HIPK2: variants seen among roughly 807,000 people sequenced by gnomAD.
HIPK2 encodes homeodomain-interacting protein kinase 2.
In HIPK2, 27 loss-of-function variants were observed where a neutral mutation model predicts 113.7. The ratio of observed to expected loss-of-function variants is 0.24; its 90% CI spans 0.17 to 0.33. The LOEUF is 0.33. Ranked by LOEUF, HIPK2 falls within the 10% of genes least tolerant of loss-of-function variation. The pLI is 1.00. For synonymous variants in HIPK2, 631 were observed against 642.2 expected, an observed-to-expected ratio of 0.98 and a Z score of 0.26; for missense variants, 1,257 against 1,588.0, an observed-to-expected ratio of 0.79 and a Z score of 3.54.
chr7:139,648,569 T>C (rs1460515117), intron 2 of HIPK2, among the ~76,000 whole-genome samples: 1 of 152,208 alleles, frequency 6.6e-6, no homozygotes, highest in African/African-American at 2.4e-5. Context: ...ATCAATAGCT[T>C]ACATGGGAGT....
chr7:139,649,227 G>A (rs1801364199), intron 2 of HIPK2, among the ~76,000 whole-genome samples: 1 of 152,034 alleles, frequency 6.6e-6, no homozygotes, highest in African/African-American at 2.4e-5. Context: ...CCCACACCCT[G>A]ACTCGGTGAC....
At chr7:139,620,882 C>T (rs973752033) in intron 6 of HIPK2, among the ~76,000 whole-genome samples, 7 of 152,222 alleles carry the variant, frequency 4.6e-5, no homozygotes, top group East Asian at 1.9e-4. Flanking sequence ...ACTGCTCATT[C>T]TCAACTCTCA....
chr7:139,624,376 C>G (rs2116858704), intron 6 of HIPK2, among the ~76,000 whole-genome samples: 1 of 152,236 alleles, frequency 6.6e-6, no homozygotes, highest in Middle Eastern at 3.4e-3. Context: ...ACTGGCTGGA[C>G]CTTCCTCTCC....
At chr7:139,618,664 C>A (rs1274885006) in intron 7 of HIPK2, among the ~76,000 whole-genome samples, 1 of 152,188 alleles carries the variant, frequency 6.6e-6, no homozygotes, top group Non-Finnish European at 1.5e-5. Flanking sequence ...GGTGGCCCCC[C>A]ACCCCGCGTC....
In HIPK2 at chr7:139,729,734, C is replaced by T. The variant is rs367903768; in HGVS notation, c.20-12719G>A. On this transcript the variant is annotated intron_variant, in intron 1 of 14. Transcript: ENST00000406875. ...ACAAAATCAGCTGTACTTCTGGTTTCAACCCAGAGGAATTCCATTTAAATC... is the reference window on the plus strand; with the variant it reads ...ACAAAATCAGCTGTACTTCTGGTTTTAACCCAGAGGAATTCCATTTAAATC... Among the ~76,000 whole-genome samples the T allele has an allele frequency of 3.9e-4, 60 of 152,310 alleles. 2 individuals are homozygous for T. The South Asian group carries it at 0.012, about 32-fold the overall frequency.
At chr7:139,694,525 G>C (rs1476775062) in intron 2 of HIPK2, among the ~76,000 whole-genome samples, 1 of 152,144 alleles carries the variant, frequency 6.6e-6, no homozygotes, top group Non-Finnish European at 1.5e-5. Flanking sequence ...CTGGTCTCTG[G>C]AACCACGTGG....
chr7:139,587,758 G>A (rs545654158), intron 12 of HIPK2, among the ~76,000 whole-genome samples: 30 of 151,800 alleles, frequency 2.0e-4, no homozygotes, highest in African/African-American at 6.3e-4. Flanking sequence ...TGCACCTATA[G>A]TCCTAGCTGC....
Position 139,596,859 on chromosome 7 carries a change from A to T in HIPK2, c.2575T>A (p.Trp859Arg). 6.2e-7 allele frequency: 1 copy of T among 1,613,820 alleles called. No individual in the cohort carries two copies. Among genetic ancestry groups the T allele is most frequent in the Non-Finnish European group, 8.5e-7 (1 of 1,179,854 alleles). The change falls in exon 12 of 15, where the codon TGG becomes AGG. Residue 859 changes from tryptophan to arginine, a missense_variant. By Grantham distance (101) the Trp-to-Arg change is moderately radical. Coordinates refer to ENST00000406875, the MANE Select transcript of HIPK2 (RefSeq NM_022740.5). ...PACSTSVTCG[W>R]GDVASSTTRE... ...GTGGTGCTGGAGGCCACGTCGCCCC[A>T]CCCACAGGTGACCGAGGTGCTGCAG...
chr7:139,623,533 A>G (rs567536986), intron 6 of HIPK2, among the ~76,000 whole-genome samples: 101 of 151,836 alleles, frequency 6.7e-4, no homozygotes, highest in South Asian at 1.7e-3. Context: ...AAAAAAAAAA[A>G]AAAAAGAAAA....
intron 1 of HIPK2, among the ~76,000 whole-genome samples, chr7:139,728,304 T>C (rs1795650431): frequency 6.6e-6 from 1 of 152,144 alleles, no homozygotes; most frequent in African/African-American, 2.4e-5. Context: ...CATATGAATC[T>C]GCCAGGGTTG....
chr7:139,646,804 A>C (rs905545440), intron 2 of HIPK2, among the ~76,000 whole-genome samples: 7 of 152,088 alleles, frequency 4.6e-5, no homozygotes, highest in African/African-American at 1.7e-4. Context: ...AAAGGAAGGC[A>C]GGAGGAAGGG....
chr7:139,652,586 A>G (rs1296310613), intron 2 of HIPK2, among the ~76,000 whole-genome samples: 1 of 152,246 alleles, frequency 6.6e-6, no homozygotes, highest in Non-Finnish European at 1.5e-5. Context: ...CTCTCATTCA[A>G]TAAACATGTA....
intron 12 of HIPK2, 113 bp from the exon 13 acceptor site, chr7:139,584,177 C>A: frequency 7.0e-7 from 1 of 1,426,154 alleles, no homozygotes; most frequent in Non-Finnish European, 9.4e-7. Context: ...AGGGCAGGAA[C>A]AGGGCTTTTG....
chr7:139,620,486 G>T lies in HIPK2; in HGVS notation c.1697C>A (p.Thr566Asn). The change falls in exon 7 of 15, where the codon ACC becomes AAC. Residue 566 changes from threonine (T) to asparagine (N), a missense_variant. By Grantham distance (65) the Thr-to-Asn change is moderately conservative (BLOSUM62 0). Coordinates refer to ENST00000406875, the MANE Select transcript of HIPK2 (RefSeq NM_022740.5). Reference protein sequence around the residue: ...NMYDTVNQSKTPFITHVAPST... With the variant: ...NMYDTVNQSKNPFITHVAPST... ...GGGGGCCACGTGCGTGATGAAAGGG[G>T]TTTTGCTCTGGTTCACCGTGTCATA... 6.2e-7 allele frequency: 1 copy of T among 1,614,110 alleles called. No individual in the cohort carries two copies. Among genetic ancestry groups the T allele is most frequent in the Non-Finnish European group, 8.5e-7 (1 of 1,180,036 alleles).
chr7:139,652,215 T>C (rs1801488347), intron 2 of HIPK2, among the ~76,000 whole-genome samples: 1 of 152,226 alleles, frequency 6.6e-6, no homozygotes, highest in Non-Finnish European at 1.5e-5. Context: ...AACAGCCTCA[T>C]GTTCTTGAGA....
chr7:139,737,840 A>G (rs1480210767), intron 1 of HIPK2, among the ~76,000 whole-genome samples: 2 of 152,236 alleles, frequency 1.3e-5, no homozygotes, highest in Non-Finnish European at 2.9e-5. Context: ...CTCACAGGAA[A>G]TCTTTTCTGC....
intron 1 of HIPK2, among the ~76,000 whole-genome samples, chr7:139,718,623 CT>C (rs1201181767): frequency 2.0e-5 from 3 of 152,200 alleles, no homozygotes; most frequent in Non-Finnish European, 2.9e-5. Flanking sequence ...GTCCCATTTT[CT>C]CTTGAACCTG....
intron 1 of HIPK2, among the ~76,000 whole-genome samples, chr7:139,763,205 CTGTTCAG>C (rs1313020917): frequency 3.3e-5 from 5 of 152,308 alleles, no homozygotes; most frequent in Admixed American, 3.3e-4. Flanking sequence ...GTGATCCATG[CTGTTCAG>C]GATTCAGGAT....
At chr7:139,699,706 G>A (rs1377491999) in intron 2 of HIPK2, among the ~76,000 whole-genome samples, 1 of 152,238 alleles carries the variant, frequency 6.6e-6, no homozygotes, top group Non-Finnish European at 1.5e-5. Flanking sequence ...CTTAGGAGAT[G>A]ACTGCTGTCC....
Sources: allele counts gnomAD v4.1 joint callset (sites outside exome capture counted in the v4.1 genomes callset), GRCh38; gene constraint gnomAD v4.1.1; transcripts MANE v1.5; gene names NCBI Gene and HGNC (gene_info 2026-07-23, HGNC 2026-07-21).